The following TMEM214 variants were observed in gnomAD, a reference collection of about 807,000 sequenced individuals.
The protein encoded by TMEM214 is transmembrane protein 214.
In TMEM214, 71 loss-of-function variants were observed where a neutral mutation model predicts 89.8. The observed-to-expected ratio is 0.79, with a 90% CI of 0.65 to 0.96. TMEM214 has a LOEUF of 0.96. TMEM214 is among the 40% of genes least tolerant of loss of function. The pLI is 0.00. For synonymous variants in TMEM214, 332 were observed against 349.5 expected, an observed-to-expected ratio of 0.95 and a Z score of 0.56; for missense variants, 754 against 843.4, an observed-to-expected ratio of 0.89 and a Z score of 1.31.
Position 27,038,680 on chromosome 2 carries a change from G to C in TMEM214, c.1294-22G>C. 6.2e-7 allele frequency: 1 copy of C among 1,611,132 alleles called. No individual in the cohort carries two copies. Among genetic ancestry groups the C allele is most frequent in the Non-Finnish European group, 8.5e-7 (1 of 1,177,762 alleles). ...ATGGAAGCTCTGGATTCCCTCACAG[G>C]CCAGACCTTTCTTGTCCATAGGTAC... On this transcript the variant is annotated intron_variant, in intron 11 of 16. Coordinates refer to ENST00000238788, the MANE Select transcript of TMEM214 (RefSeq NM_017727.5). The surrounding 1 kb of genome is among the most constrained non-coding windows in gnomAD (Gnocchi z 4.4).
At chr2:27,037,418 C>CT in intron 8 of TMEM214, 143 bp from the exon 9 acceptor site, 1 of 1,091,674 alleles carries the variant, frequency 9.2e-7, no homozygotes, top group Non-Finnish European at 1.3e-6. Context: ...CAAGGAGTCT[C>CT]TGAGTAAAAA....
rs778956049 is a variant in TMEM214, at chr2:27,039,042, A to G, written c.1408-5A>G. 2 of 1,613,132 alleles carry G rather than the reference A, an allele frequency of 1.2e-6. No individual in the cohort carries two copies. The highest frequency in any genetic ancestry group is 2.2e-5 in the South Asian group (2 of 91,076). ...GACAACTGTCTCCTGCTCCCCTCCC[A>G]CCAGGGCCTGTTGCAGCAGGTTCAG... On this transcript the variant is annotated splice_region_variant and splice_polypyrimidine_tract_variant and intron_variant, in intron 12 of 16. Transcript: ENST00000238788.
chr2:27,036,574 C>T lies in TMEM214; in HGVS notation c.808C>T (p.Leu270Phe), dbSNP rs752341303. 8.1e-6 allele frequency: 13 copies of T among 1,614,052 alleles called. No individual in the cohort carries two copies. Among genetic ancestry groups the T allele is most frequent in the Non-Finnish European group, 1.1e-5 (13 of 1,180,004 alleles). Residue 270 changes from leucine to phenylalanine, a missense_variant, in exon 6 of 17, where the codon CTC becomes TTC. By Grantham distance (22) the Leu-to-Phe change is conservative. Coordinates refer to ENST00000238788, the MANE Select transcript of TMEM214 (RefSeq NM_017727.5). Reference protein sequence around the residue: ...WALGQAGFANLTEGLKVWLGI... With the variant: ...WALGQAGFANFTEGLKVWLGI... ...CCTGGGTCAAGCAGGTTTTGCCAACCTCACCGAGGGACTGAAAGGTAACAG... is the reference window on the plus strand; with the variant it reads ...CCTGGGTCAAGCAGGTTTTGCCAACTTCACCGAGGGACTGAAAGGTAACAG...
Position 27,041,033 on chromosome 2 carries a change from C to T in TMEM214, c.*196C>T. 1.6e-6 allele frequency: 1 copy of T among 625,188 alleles called. No homozygotes were observed. The highest frequency in any genetic ancestry group is 2.1e-5 in the South Asian group (1 of 47,864). The allele number at this position is 625,188 out of a possible 1,614,324, so 38.7% of individuals were successfully genotyped here. On this transcript the variant is annotated 3_prime_UTR_variant, in exon 17 of 17. Transcript: ENST00000238788. Reference sequence around the variant, plus strand: ...CCCAGCAGCATCTCAGCCTCCTACCCACAATTCCACTGAACACTTTTCTGG... The same window carrying T: ...CCCAGCAGCATCTCAGCCTCCTACCTACAATTCCACTGAACACTTTTCTGG...
chr2:27,038,134 C>G lies in TMEM214; in HGVS notation c.1153-12C>G, dbSNP rs774629044. The G allele has an allele frequency of 6.2e-7, 1 of 1,614,146 alleles. No individual in the cohort carries two copies. Among genetic ancestry groups the G allele is most frequent in the East Asian group, 2.2e-5 (1 of 44,884 alleles). On this transcript the variant is annotated splice_polypyrimidine_tract_variant and intron_variant, in intron 9 of 16. Coordinates refer to ENST00000238788, the MANE Select transcript of TMEM214 (RefSeq NM_017727.5). This position sits in a 1 kb window ranked among gnomAD's most constrained non-coding sequence, Gnocchi z 4.4. ...TGCCCCCAGCAGCCTCTCCCTCTGT[C>G]GTGCTGTGCAGCTCCTGAGCAGCCT...
rs748246652 is a variant in TMEM214, at chr2:27,038,113, C to T, written c.1153-33C>T. The T allele has an allele frequency of 1.9e-6, 3 of 1,613,754 alleles. No homozygotes were observed. Among genetic ancestry groups the T allele is most frequent in the African/African-American group, 1.3e-5 (1 of 74,924 alleles). ...TCCCCGCCTCTGCCAGCCCCATGCC[C>T]CCAGCAGCCTCTCCCTCTGTCGTGC... is the stretch of plus-strand genomic sequence containing the variant. On this transcript the variant is annotated intron_variant, in intron 9 of 16. Coordinates refer to ENST00000238788, the MANE Select transcript of TMEM214 (RefSeq NM_017727.5). This position sits in a 1 kb window ranked among gnomAD's most constrained non-coding sequence, Gnocchi z 4.4.
In TMEM214 at chr2:27,038,119, A is replaced by AGCCCCAT. The variant is rs766345883; in HGVS notation, c.1153-24_1153-23insCCATGCC. On this transcript the variant is annotated intron_variant, in intron 9 of 16. Transcript: ENST00000238788. The surrounding 1 kb of genome is among the most constrained non-coding windows in gnomAD (Gnocchi z 4.4). ...CCTCTGCCAGCCCCATGCCCCCAGC[A>AGCCCCAT]GCCTCTCCCTCTGTCGTGCTGTGCA... is the stretch of plus-strand genomic sequence containing the variant. The AGCCCCAT allele has an allele frequency of 6.2e-7, 1 of 1,614,046 alleles. No homozygotes were observed. Among genetic ancestry groups the AGCCCCAT allele is most frequent in the Non-Finnish European group, 8.5e-7 (1 of 1,180,004 alleles).
Position 27,038,976 on chromosome 2 carries a change from T to C in TMEM214, c.1408-71T>C. The C allele has an allele frequency of 5.2e-6, 8 of 1,549,906 alleles. No individual in the cohort carries two copies. The highest frequency in any genetic ancestry group is 7.1e-6 in the Non-Finnish European group (8 of 1,126,146). On this transcript the variant is annotated intron_variant, in intron 12 of 16. Transcript: ENST00000238788. The surrounding 1 kb of genome is among the most constrained non-coding windows in gnomAD (Gnocchi z 4.4). ...GACGCTCTTTCGGGAAGGCCTGGCT[T>C]GAGGTCTGCCCTCAGAGGCAAAGAC...
chr2:27,034,601 C>CTTTTT (rs67511175), intron 2 of TMEM214: 6 of 161,950 alleles, frequency 3.7e-5, no homozygotes, highest in South Asian at 9.1e-5. Flanking sequence ...CTGTTTTCCT[C>CTTTTT]TTTTTTTTTT....
chr2:27,035,092 C>G, intron 2 of TMEM214, 43 bp from the exon 3 acceptor site: 1 of 1,609,426 alleles, frequency 6.2e-7, no homozygotes, highest in Non-Finnish European at 8.5e-7. Flanking sequence ...CTCCCTCACT[C>G]ACAACTCGCC....
In TMEM214 at chr2:27,040,195, G is replaced by C; in HGVS notation, c.1788G>C (p.Gln596His). ...GTGACAGTCTCACCAGTCTCTCTCA[G>C]AGGGTAAGTCAGAGACAGGGAGTCA... ...WFGDSLTSLS[Q>H]RLQIQLPDSV... The change falls in exon 15 of 17, where the codon CAG (glutamine) becomes CAC (histidine). Residue 596 changes from glutamine (Q) to histidine (H), a missense_variant. Transcript: ENST00000238788. The C allele has an allele frequency of 6.2e-7, 1 of 1,605,846 alleles. No individual in the cohort carries two copies. Among genetic ancestry groups the C allele is most frequent in the Non-Finnish European group, 8.5e-7 (1 of 1,179,980 alleles).
Position 27,034,065 on chromosome 2 carries a change from A to G in TMEM214, c.152-2A>G. 2 of 1,614,058 alleles carry G rather than the reference A, an allele frequency of 1.2e-6. No individual in the cohort carries two copies. The highest frequency in any genetic ancestry group is 1.7e-6 in the Non-Finnish European group (2 of 1,179,988). Reference sequence around the variant, plus strand: ...GCCTTTCTCTACCTATCTTCACCCCAGCTGCAATCCAGACCACAAGCACCC... The same window carrying G: ...GCCTTTCTCTACCTATCTTCACCCCGGCTGCAATCCAGACCACAAGCACCC... On this transcript the variant is annotated splice_acceptor_variant, in intron 1 of 16. Transcript: ENST00000238788. LOFTEE classifies it high-confidence loss of function.
rs368920944 is a variant in TMEM214, at chr2:27,034,188, G to C, written c.273G>C (p.Gln91His). ...VEPKKPGNKK[Q>H]PKKVATPPNQ... Reference sequence around the variant, plus strand: ...CTAAGAAACCAGGGAACAAGAAGCAGCCAAAGAAGGTGGCAACTCCTCCCA... The same window carrying C: ...CTAAGAAACCAGGGAACAAGAAGCACCCAAAGAAGGTGGCAACTCCTCCCA... Residue 91 changes from glutamine to histidine, a missense_variant, in exon 2 of 17, where the codon CAG becomes CAC. Physicochemically the swap from Gln to His is conservative, Grantham distance 24. Transcript: ENST00000238788. The C allele has an allele frequency of 1.2e-6, 2 of 1,614,074 alleles. No homozygotes were observed. Among genetic ancestry groups the C allele is most frequent in the African/African-American group, 2.7e-5 (2 of 74,916 alleles).
chr2:27,039,571 G>A, intron 13 of TMEM214, 170 bp from the exon 14 acceptor site: 1 of 654,036 alleles, frequency 1.5e-6, no homozygotes, highest in South Asian at 1.8e-5. Context: ...CAGGAGAAGG[G>A]CAGCTCTGCA....
chr2:27,040,881 C>T lies in TMEM214; in HGVS notation c.*44C>T, dbSNP rs201411924. 544 of 1,597,400 alleles carry T rather than the reference C, an allele frequency of 3.4e-4. 1 individual carries two copies. Among genetic ancestry groups the T allele is most frequent in the Non-Finnish European group, 4.4e-4 (517 of 1,166,372 alleles). On this transcript the variant is annotated 3_prime_UTR_variant, in exon 17 of 17. Transcript: ENST00000238788. ...CTGATTTCTGCATGGGTAGACCATCCAAGACTGCAGCGGGTAGAAGGTGGC... is the reference window on the plus strand; with the variant it reads ...CTGATTTCTGCATGGGTAGACCATCTAAGACTGCAGCGGGTAGAAGGTGGC...
At position 27,036,473 on chromosome 2, in the gene TMEM214, A is replaced by G; in HGVS notation, c.721-14A>G. The G allele has an allele frequency of 6.2e-7, 1 of 1,610,070 alleles. No individual in the cohort carries two copies. The highest frequency in any genetic ancestry group is 8.5e-7 in the Non-Finnish European group (1 of 1,176,716). On this transcript the variant is annotated splice_polypyrimidine_tract_variant and intron_variant, in intron 5 of 16. Coordinates refer to ENST00000238788, the MANE Select transcript of TMEM214 (RefSeq NM_017727.5). ...TGTCCTATCCCAATCTGCCTTCCCC[A>G]CCGGTCTCCTCAGTTCCTGGAACTG...
In TMEM214 at chr2:27,033,926, A is replaced by G. The variant is rs1438362342; in HGVS notation, c.152-141A>G. Reference sequence around the variant, plus strand: ...GGAGAACAGCCTGCCCTGCTCCTTAAGCAGTCCAAGAGGAAGGGGCTTTGA... The same window carrying G: ...GGAGAACAGCCTGCCCTGCTCCTTAGGCAGTCCAAGAGGAAGGGGCTTTGA... On this transcript the variant is annotated intron_variant, in intron 1 of 16. Coordinates refer to ENST00000238788, the MANE Select transcript of TMEM214 (RefSeq NM_017727.5). The G allele has an allele frequency of 4.5e-6, 4 of 879,902 alleles. No individual in the cohort carries two copies. In the East Asian group the frequency reaches 9.7e-5, roughly 21 times the overall value. The allele number at this position is 879,902 out of a possible 1,614,324, so 54.5% of individuals were successfully genotyped here.
At chr2:27,034,011 G>A (rs2148238627) in intron 1 of TMEM214, 56 bp from the exon 2 acceptor site, 12 of 1,581,658 alleles carry the variant, frequency 7.6e-6, no homozygotes, top group African/African-American at 5.4e-5. Context: ...CCACTGATAG[G>A]TGAGGCCTTG....
At position 27,035,960 on chromosome 2, in the gene TMEM214, A is replaced by C; in HGVS notation, c.638-10A>C. 6.2e-7 allele frequency: 1 copy of C among 1,613,846 alleles called. No individual in the cohort carries two copies. Among genetic ancestry groups the C allele is most frequent in the African/African-American group, 1.3e-5 (1 of 75,030 alleles). The stretch of plus-strand genomic sequence containing the variant: ...AATGTGAGTAGGTGTGAGAATGTGT[A>C]TCTCTCCAGGGGAGTCACTACATGG... On this transcript the variant is annotated splice_polypyrimidine_tract_variant and intron_variant, in intron 4 of 16. Coordinates refer to ENST00000238788, the MANE Select transcript of TMEM214 (RefSeq NM_017727.5).
Sources: gnomAD v4.1 joint callset for allele counts on GRCh38, gnomAD v4.1.1 for gene constraint, Gnocchi (gnomAD v3.1) non-coding constraint, MANE v1.5 for transcripts, NCBI Gene and HGNC (gene_info 2026-07-23, HGNC 2026-07-21) for gene names.